Variants in CNTN6 observed in about 807,000 individuals in gnomAD.
CNTN6 encodes the protein contactin-6.
A neutral mutation model predicts 122.8 loss-of-function variants in CNTN6; 137 were observed. The observed-to-expected ratio is 1.12, with a 90% CI of 0.97 to 1.29. The LOEUF is 1.29. Ranked by LOEUF, CNTN6 falls within the 50% of genes most tolerant of loss-of-function variation. The pLI is 0.00. For synonymous variants in CNTN6, 570 were observed against 426.0 expected (o/e 1.34, Z -4.16); for missense variants, 1,634 against 1,223.4 (o/e 1.34, Z -5.01).
chr3:1,365,726 ATAAG>A (rs1559931498), intron 12 of CNTN6, among the ~76,000 whole-genome samples: 2 of 152,236 alleles, frequency 1.3e-5, no homozygotes, highest in African/African-American at 2.4e-5. Flanking sequence ...AATCCAATAA[ATAAG>A]AATTCCTTTC....
At chr3:1,213,438 G>T (rs564482920) in intron 2 of CNTN6, among the ~76,000 whole-genome samples, 3 of 151,256 alleles carry the variant, frequency 2.0e-5, no homozygotes, top group Non-Finnish European at 2.9e-5. Context: ...CCATCTCAGC[G>T]TATTTATTTC....
intron 7 of CNTN6, among the ~76,000 whole-genome samples, chr3:1,299,064 A>G (rs772590443): frequency 1.3e-5 from 2 of 152,192 alleles, no homozygotes; most frequent in Non-Finnish European, 2.9e-5. Flanking sequence ...GGAGTTTTGC[A>G]TATCTTTGAA....
At chr3:1,290,270 T>C (rs78192174) in intron 5 of CNTN6, among the ~76,000 whole-genome samples, 2,308 of 152,338 alleles carry the variant, frequency 0.015, 74 homozygotes, top group African/African-American at 0.052. Flanking sequence ...TTACAGTAAT[T>C]TCACATGGCA....
At chr3:1,301,345 T>C (rs1697380097) in intron 7 of CNTN6, among the ~76,000 whole-genome samples, 1 of 152,140 alleles carries the variant, frequency 6.6e-6, no homozygotes, top group South Asian at 2.1e-4. Context: ...CCTAAACTTT[T>C]GACAAAAATT....
intron 5 of CNTN6, among the ~76,000 whole-genome samples, chr3:1,279,781 GT>G (rs1193600056): frequency 6.6e-6 from 1 of 152,134 alleles, no homozygotes; most frequent in Non-Finnish European, 1.5e-5. Context: ...ACTTGAAAGC[GT>G]TTTTCCATTA....
At chr3:1,365,840 A>G (rs1164694170) in intron 12 of CNTN6, among the ~76,000 whole-genome samples, 2 of 152,162 alleles carry the variant, frequency 1.3e-5, no homozygotes, top group African/African-American at 2.4e-5. Flanking sequence ...TTGGGACTCC[A>G]TCTTTCTTTC....
chr3:1,327,662 A>T, intron 10 of CNTN6, 76 bp downstream of exon 10: 3 of 1,430,970 alleles, frequency 2.1e-6, no homozygotes, highest in South Asian at 1.3e-5. Flanking sequence ...TCCCAACCCA[A>T]TTTTTTTTGT....
intron 11 of CNTN6, among the ~76,000 whole-genome samples, chr3:1,340,903 T>C (rs755803339): frequency 2.0e-5 from 3 of 152,130 alleles, no homozygotes; most frequent in Non-Finnish European, 2.9e-5. Flanking sequence ...TTTTTATATG[T>C]GAGGGAAGCC....
chr3:1,264,460 TAGAG>T (rs887533470), intron 4 of CNTN6, among the ~76,000 whole-genome samples: 13 of 152,268 alleles, frequency 8.5e-5, no homozygotes, highest in East Asian at 5.8e-4. Context: ...AGCAGCCACA[TAGAG>T]AGAGGTTGAG....
intron 4 of CNTN6, among the ~76,000 whole-genome samples, chr3:1,238,057 TA>T (rs1226431539): frequency 1.3e-5 from 2 of 150,324 alleles, no homozygotes; most frequent in Non-Finnish European, 3.0e-5. Flanking sequence ...GGCAACAAAA[TA>T]GCACGGTGAA....
chr3:1,403,619 T>C lies in CNTN6; in HGVS notation c.*201T>C, dbSNP rs1696009824. The C allele has an allele frequency of 8.3e-6, 3 of 359,598 alleles. No individual in the cohort carries two copies. The highest frequency in any genetic ancestry group is 1.5e-5 in the Non-Finnish European group (3 of 202,710). The allele number at this position is 359,598 out of a possible 1,614,324, so 22.3% of individuals were successfully genotyped here. A position where few individuals can be genotyped will look rare whatever the true frequency, so the allele number is the denominator to read the frequency against. On this transcript the variant is annotated 3_prime_UTR_variant, in exon 23 of 23. Coordinates refer to ENST00000446702, the MANE Select transcript of CNTN6 (RefSeq NM_001289080.2). Reference sequence around the variant, plus strand: ...ACTTTTGAATTTTAAAATCCGCACATGATTACATGAATTCCTAGGTGCCAC... The same window carrying C: ...ACTTTTGAATTTTAAAATCCGCACACGATTACATGAATTCCTAGGTGCCAC...
chr3:1,261,825 T>G (rs1414821398), intron 4 of CNTN6, among the ~76,000 whole-genome samples: 2 of 152,160 alleles, frequency 1.3e-5, no homozygotes, highest in East Asian at 3.9e-4. Context: ...TCACATAATT[T>G]TAATTTAAAA....
At chr3:1,365,514 T>C (rs750824786) in intron 12 of CNTN6, among the ~76,000 whole-genome samples, 1 of 152,022 alleles carries the variant, frequency 6.6e-6, no homozygotes, top group Non-Finnish European at 1.5e-5. Context: ...GAAAGCAACA[T>C]TTCCGGACAT....
At chr3:1,283,133 C>G (rs1176996096) in intron 5 of CNTN6, among the ~76,000 whole-genome samples, 1 of 152,122 alleles carries the variant, frequency 6.6e-6, no homozygotes, top group Non-Finnish European at 1.5e-5. Flanking sequence ...CCACCACACC[C>G]AGCTAATTTT....
Position 1,214,422 on chromosome 3 carries a change from C to T in CNTN6, c.56-6265C>T, listed in dbSNP as rs1249124384. On this transcript the variant is annotated intron_variant, in intron 2 of 22. Coordinates refer to ENST00000446702, the MANE Select transcript of CNTN6 (RefSeq NM_001289080.2). Reference sequence around the variant, plus strand: ...CTCCTGAGTTCAAGCGATTCTCCTGCCTCAGCCTCCCTAGTAGCTGGGATT... The same window carrying T: ...CTCCTGAGTTCAAGCGATTCTCCTGTCTCAGCCTCCCTAGTAGCTGGGATT... Among the ~76,000 whole-genome samples, 3 of 147,310 alleles carry T rather than the reference C, an allele frequency of 2.0e-5. No individual in the cohort carries two copies. In the Admixed American group the frequency reaches 2.1e-4, roughly 10 times the overall value.
At chr3:1,383,876 C>G (rs140507776) in intron 19 of CNTN6, among the ~76,000 whole-genome samples, 5 of 152,250 alleles carry the variant, frequency 3.3e-5, no homozygotes, top group African/African-American at 1.2e-4. Context: ...AGGCCATTGC[C>G]ATAGAAAGGG....
chr3:1,206,751 C>T (rs1280937118), intron 2 of CNTN6, among the ~76,000 whole-genome samples: 1 of 152,150 alleles, frequency 6.6e-6, no homozygotes, highest in African/African-American at 2.4e-5. Flanking sequence ...TTGCTAGGTC[C>T]TTAGTAACCT....
intron 2 of CNTN6, among the ~76,000 whole-genome samples, chr3:1,168,817 AAAAG>A (rs2093308178): frequency 6.6e-6 from 1 of 152,214 alleles, no homozygotes; most frequent in African/African-American, 2.4e-5. Flanking sequence ...GATGAGCAAA[AAAAG>A]GGACATTCTA....
chr3:1,279,683 T>A (rs536872016), intron 5 of CNTN6, among the ~76,000 whole-genome samples: 1 of 152,336 alleles, frequency 6.6e-6, no homozygotes, highest in African/African-American at 2.4e-5. Flanking sequence ...GGGAGAACTT[T>A]TAAAATACAA....
Sources: gnomAD v4.1 joint callset for allele counts (sites outside exome capture counted in the v4.1 genomes callset) on GRCh38, gnomAD v4.1.1 for gene constraint, MANE v1.5 for transcripts, NCBI Gene and HGNC (gene_info 2026-07-23, HGNC 2026-07-21) for gene names.